The following ENTPD1 variants were observed in gnomAD, a reference collection of about 807,000 sequenced individuals.
The protein encoded by ENTPD1 is ectonucleoside triphosphate diphosphohydrolase 1, also known as ATP diphosphohydrolase.
ENTPD1 carries 33 observed loss-of-function variants against 57.0 expected under a neutral mutation model. The observed-to-expected ratio is 0.58, with a 90% confidence interval of 0.44 to 0.77. The LOEUF is 0.77. Among genes scored for constraint, ENTPD1 ranks in the 30% least tolerant of loss-of-function variants. ENTPD1 has a pLI of 0.00. For missense variants in ENTPD1, 501 were observed against 603.4 expected (o/e 0.83, Z 1.78); for synonymous variants, 202 against 218.8 (o/e 0.92, Z 0.68).
In ENTPD1 at chr10:95,867,524, C is replaced by T. The variant is rs558905363; in HGVS notation, c.*1141C>T. On this transcript the variant is annotated 3_prime_UTR_variant, in exon 10 of 10. Transcript: ENST00000371205. ...GGCAGCATTAGTGTGGAGTGGCATG[C>T]TTTTGCCCTATCGTGGAATTTACAC... 2.5e-4 allele frequency: 246 copies of T among 985,420 alleles called. 2 individuals carry two copies. In the South Asian group the frequency reaches 0.01, roughly 42 times the overall value. The allele number at this position is 985,420 out of a possible 1,614,324, so 61.0% of individuals were successfully genotyped here.
chr10:95,715,694 C>T (rs1298569105), intron 1 of ENTPD1, among the ~76,000 whole-genome samples: 4 of 151,836 alleles, frequency 2.6e-5, no homozygotes, highest in Non-Finnish European at 5.9e-5. Flanking sequence ...ATTCACATAC[C>T]TTTAAATTTA....
At chr10:95,714,558 A>AT (rs1209806739) in intron 1 of ENTPD1, among the ~76,000 whole-genome samples, 1 of 152,196 alleles carries the variant, frequency 6.6e-6, no homozygotes, top group East Asian at 1.9e-4. Context: ...AAAGAAGCTA[A>AT]TTTTTTCCTG....
intron 7 of ENTPD1, among the ~76,000 whole-genome samples, chr10:95,853,846 G>A (rs4402217): frequency 0.27 from 40,868 of 152,062 alleles, 6,331 homozygotes; most frequent in Admixed American, 0.38. Flanking sequence ...GTATTTTATT[G>A]AGGATTTTTG....
chr10:95,707,412 C>T (rs2097962984), upstream of ENTPD1, among the ~76,000 whole-genome samples: 1 of 152,210 alleles, frequency 6.6e-6, no homozygotes, highest in Non-Finnish European at 1.5e-5. Flanking sequence ...CTCCCACTGG[C>T]TCCATGGAGT....
intron 1 of ENTPD1, among the ~76,000 whole-genome samples, chr10:95,736,632 T>C (rs542261345): frequency 6.6e-6 from 1 of 152,236 alleles, no homozygotes; most frequent in South Asian, 2.1e-4. Flanking sequence ...TCAGATCTCT[T>C]CACTATTTCT....
At chr10:95,848,900 A>G (rs1477920328) in intron 7 of ENTPD1, among the ~76,000 whole-genome samples, 1 of 152,242 alleles carries the variant, frequency 6.6e-6, no homozygotes, top group African/African-American at 2.4e-5. Flanking sequence ...TCAGGACTTC[A>G]TAAGCGAGGA....
chr10:95,732,109 A>G (rs544865836), intron 1 of ENTPD1, among the ~76,000 whole-genome samples: 1 of 152,226 alleles, frequency 6.6e-6, no homozygotes, highest in African/African-American at 2.4e-5. Context: ...AGTAACTGCA[A>G]CAGAGGCATG....
At chr10:95,701,994 C>T in the ENTPD1 span, among the ~76,000 whole-genome samples, 1 of 151,428 alleles carries the variant, frequency 6.6e-6, no homozygotes, top group African/African-American at 2.4e-5. Flanking sequence ...TAAACTTAAT[C>T]TTACAATTTA....
chr10:95,750,020 A>G (rs6584023), intron 1 of ENTPD1, among the ~76,000 whole-genome samples: 81,919 of 151,872 alleles, frequency 0.54, 22,517 homozygotes, highest in Admixed American at 0.63. Flanking sequence ...TAGAAGTAAT[A>G]AGAAGAGGTC....
At chr10:95,722,486 G>A (rs1430397133) in intron 1 of ENTPD1, among the ~76,000 whole-genome samples, 1 of 152,042 alleles carries the variant, frequency 6.6e-6, no homozygotes, top group African/African-American at 2.4e-5. Context: ...ATGAGTTCAT[G>A]TCCTTTGTAG....
rs2098430023 is a variant in ENTPD1, at chr10:95,844,548, C to T, written c.486C>T (p.Asp162=). ...VERSLSNYPF[D]FQGARIITGQ... ...GGAGCCTCAGCAACTACCCCTTTGACTTCCAGGGTGCCAGGATCATTACTG... is the reference window on the plus strand; with the variant it reads ...GGAGCCTCAGCAACTACCCCTTTGATTTCCAGGGTGCCAGGATCATTACTG... The change falls in exon 5 of 10, where the codon GAC becomes GAT. Residue 162 remains aspartate (D), a synonymous_variant. Transcript: ENST00000371205. 1 of 1,614,256 alleles carries T rather than the reference C, an allele frequency of 6.2e-7. No homozygotes were observed. Among genetic ancestry groups the T allele is most frequent in the East Asian group, 2.2e-5 (1 of 44,884 alleles).
upstream of ENTPD1, chr10:95,755,931 AAG>A (rs577322485): frequency 1.9e-5 from 28 of 1,486,932 alleles, no homozygotes; most frequent in Non-Finnish European, 2.4e-5. Flanking sequence ...AGAAGGGAGA[AAG>A]AGAGAGAGAT....
intron 1 of ENTPD1, among the ~76,000 whole-genome samples, chr10:95,770,146 A>G (rs2140087375): frequency 6.6e-6 from 1 of 152,094 alleles, no homozygotes; most frequent in East Asian, 1.9e-4. Context: ...AGAAAAAAAA[A>G]AAAACGACAA....
intron 1 of ENTPD1, among the ~76,000 whole-genome samples, chr10:95,810,516 A>G (rs1424754900): frequency 1.4e-5 from 2 of 145,904 alleles, no homozygotes; most frequent in Non-Finnish European, 3.0e-5. Context: ...CACATCCCAG[A>G]TGGGGTGGTG....
At chr10:95,725,007 A>G (rs1042184981) in intron 1 of ENTPD1, among the ~76,000 whole-genome samples, 6 of 152,222 alleles carry the variant, frequency 3.9e-5, no homozygotes, top group Non-Finnish European at 7.3e-5. Flanking sequence ...AAATGGTCCC[A>G]TAGATCTCTG....
At chr10:95,860,416 G>T (rs1311854306) in intron 7 of ENTPD1, 53 bp from the exon 8 acceptor site, 2 of 1,479,518 alleles carry the variant, frequency 1.4e-6, no homozygotes, top group African/African-American at 2.8e-5. Context: ...AGGAGAGCAA[G>T]TTGGCATCCC....
chr10:95,777,908 A>C (rs888274431), intron 1 of ENTPD1, among the ~76,000 whole-genome samples: 12 of 152,190 alleles, frequency 7.9e-5, no homozygotes, highest in Non-Finnish European at 1.5e-4. Context: ...AGACTGCTGC[A>C]CTAGAAGTGA....
intron 1 of ENTPD1, among the ~76,000 whole-genome samples, chr10:95,740,545 T>G (rs1262670028): frequency 2.6e-5 from 4 of 152,236 alleles, no homozygotes; most frequent in Non-Finnish European, 5.9e-5. Context: ...CTTTGAAGAT[T>G]TGAAGCCAGG....
intron 1 of ENTPD1, among the ~76,000 whole-genome samples, chr10:95,748,056 G>A (rs963376017): frequency 2.0e-5 from 3 of 151,972 alleles, no homozygotes; most frequent in Admixed American, 1.3e-4. Context: ...TGTATTTTTA[G>A]TAGAGACGGA....
Sources: gnomAD v4.1 joint callset for allele counts (sites outside exome capture counted in the v4.1 genomes callset) on GRCh38, gnomAD v4.1.1 for gene constraint, MANE v1.5 for transcripts, NCBI Gene and HGNC (gene_info 2026-07-23, HGNC 2026-07-21) for gene names.